SYNDIG1: variants seen among roughly 807,000 people sequenced by gnomAD.
SYNDIG1 encodes synapse differentiation-inducing gene protein 1.
SYNDIG1 carries 9 observed loss-of-function variants against 19.4 expected under a neutral mutation model. The observed-to-expected ratio is 0.46, with a 90% CI of 0.28 to 0.81. The LOEUF is 0.81. SYNDIG1 is among the 30% of genes least tolerant of loss of function. SYNDIG1 has a pLI of 0.12. For synonymous variants in SYNDIG1, 141 were observed against 145.9 expected (o/e 0.97, Z 0.24); for missense variants, 311 against 343.3 (o/e 0.91, Z 0.74).
chr20:24,654,508 G>A (rs62215325), intron 3 of SYNDIG1, among the ~76,000 whole-genome samples: 5 of 151,954 alleles, frequency 3.3e-5, no homozygotes, highest in African/African-American at 4.8e-5. Context: ...AGAAGGCTTG[G>A]AGAACGATTG....
chr20:24,508,667 A>G (rs1200933936), intron 1 of SYNDIG1, among the ~76,000 whole-genome samples: 1 of 152,258 alleles, frequency 6.6e-6, no homozygotes, highest in Non-Finnish European at 1.5e-5. Flanking sequence ...GAAGTTGAAG[A>G]TCAAATTTTA....
chr20:24,567,092 G>C (rs1568647519), intron 2 of SYNDIG1, among the ~76,000 whole-genome samples: 1 of 152,106 alleles, frequency 6.6e-6, no homozygotes, highest in Non-Finnish European at 1.5e-5. Context: ...CTAAAGACAG[G>C]GTCCTTGTCT....
rs554371498 is a variant in SYNDIG1, at chr20:24,643,139, C to G, written c.619-22207C>G. Among the ~76,000 whole-genome samples the G allele has an allele frequency of 2.0e-5, 3 of 152,260 alleles. No individual in the cohort carries two copies. In the South Asian group the frequency reaches 6.2e-4, roughly 32 times the overall value. ...TAAATGTGAGTTCATACTGGTGCCT[C>G]CAACTCTAACTCATTGTCACACATC... On this transcript the variant is annotated intron_variant, in intron 3 of 3. Coordinates refer to ENST00000376862, the MANE Select transcript of SYNDIG1 (RefSeq NM_024893.3).
chr20:24,552,061 T>A (rs1337535100), intron 2 of SYNDIG1, among the ~76,000 whole-genome samples: 1 of 152,334 alleles, frequency 6.6e-6, no homozygotes, highest in Non-Finnish European at 1.5e-5. Flanking sequence ...GAGTGGAGTA[T>A]CAGAAATATT....
intron 3 of SYNDIG1, among the ~76,000 whole-genome samples, chr20:24,609,874 C>T (rs989819585): frequency 1.3e-5 from 2 of 152,120 alleles, no homozygotes; most frequent in African/African-American, 4.8e-5. Context: ...GTTTTCCAGA[C>T]ATGCCTGCAC....
chr20:24,614,130 G>T (rs933593107), intron 3 of SYNDIG1, among the ~76,000 whole-genome samples: 3 of 152,142 alleles, frequency 2.0e-5, no homozygotes, highest in Admixed American at 6.5e-5. Context: ...AAGTAGCTGG[G>T]ACTATAGGCA....
intron 1 of SYNDIG1, among the ~76,000 whole-genome samples, chr20:24,503,063 A>T (rs2056494557): frequency 6.6e-6 from 1 of 152,224 alleles, no homozygotes; most frequent in South Asian, 2.1e-4. Context: ...GTGAATGGAC[A>T]GATTCATGGT....
chr20:24,572,517 G>A (rs141719145), intron 2 of SYNDIG1, among the ~76,000 whole-genome samples: 7 of 152,344 alleles, frequency 4.6e-5, no homozygotes, highest in South Asian at 2.1e-4. Context: ...TCTTGAGAGC[G>A]TGGAGCGACT....
At chr20:24,662,928 A>G (rs1209497870) in intron 3 of SYNDIG1, among the ~76,000 whole-genome samples, 2 of 152,200 alleles carry the variant, frequency 1.3e-5, no homozygotes, top group African/African-American at 4.8e-5. Flanking sequence ...CACACCAAAA[A>G]TCTTGTCAAA....
chr20:24,578,530 A>G (rs573359104), intron 2 of SYNDIG1, among the ~76,000 whole-genome samples: 2 of 152,190 alleles, frequency 1.3e-5, no homozygotes, highest in South Asian at 4.1e-4. Context: ...GTGAATGCAG[A>G]GAAGCCCCTA....
intron 1 of SYNDIG1, among the ~76,000 whole-genome samples, chr20:24,510,446 G>C (rs999187227): frequency 2.0e-5 from 3 of 151,136 alleles, no homozygotes; most frequent in African/African-American, 7.3e-5. Context: ...GTGGGCGCCT[G>C]TAATCCCAAC....
intron 3 of SYNDIG1, among the ~76,000 whole-genome samples, chr20:24,592,864 C>T (rs982403355): frequency 2.0e-5 from 3 of 152,206 alleles, no homozygotes; most frequent in African/African-American, 7.2e-5. Context: ...TCTCCTGCTT[C>T]AGCCTTCCAA....
chr20:24,490,513 G>T (rs2056115194), intron 1 of SYNDIG1, among the ~76,000 whole-genome samples: 1 of 152,172 alleles, frequency 6.6e-6, no homozygotes, highest in Non-Finnish European at 1.5e-5. Context: ...ATGTGCCCGG[G>T]CTTGGACCCT....
intron 3 of SYNDIG1, among the ~76,000 whole-genome samples, chr20:24,624,202 G>A (rs1301796060): frequency 1.4e-5 from 2 of 145,426 alleles, no homozygotes; most frequent in East Asian, 4.0e-4. Flanking sequence ...CTTGCAATGA[G>A]CCGAGATCCT....
At chr20:24,487,276 C>T (rs2055994580) in intron 1 of SYNDIG1, among the ~76,000 whole-genome samples, 1 of 152,128 alleles carries the variant, frequency 6.6e-6, no homozygotes, top group African/African-American at 2.4e-5. Context: ...TAATAAAAAA[C>T]AAATTTTTAC....
At chr20:24,597,348 G>A (rs1266370151) in intron 3 of SYNDIG1, among the ~76,000 whole-genome samples, 2 of 152,154 alleles carry the variant, frequency 1.3e-5, no homozygotes, top group African/African-American at 4.8e-5. Flanking sequence ...GACACAGTTT[G>A]TTTCCCCCTT....
chr20:24,661,531 AAGG>A (rs1262690480), intron 3 of SYNDIG1, among the ~76,000 whole-genome samples: 17 of 23,990 alleles, frequency 7.1e-4, no homozygotes, highest in African/African-American at 2.8e-3. Context: ...GGGAGGAAAA[AAGG>A]AGGAAGGAGG....
In SYNDIG1 at chr20:24,626,170, T is replaced by TG. The variant is rs1341877753; in HGVS notation, c.619-39175dup. Among the ~76,000 whole-genome samples, 10 of 144,360 alleles carry TG rather than the reference T, an allele frequency of 6.9e-5. No homozygotes were observed. The East Asian group carries it at 2.1e-3, about 30-fold the overall frequency. 94.7% of individuals were successfully genotyped at this position (144,360 alleles called of 152,430 possible). A position where few individuals can be genotyped will look rare whatever the true frequency, so the allele number is the denominator to read the frequency against. The stretch of plus-strand genomic sequence containing the variant: ...CGGGGCGGCTGGCCGGGCAGGGGGC[T>TG]GACCCCCCACCTCCCTCCCGGACGG... On this transcript the variant is annotated intron_variant, in intron 3 of 3. Coordinates refer to ENST00000376862, the MANE Select transcript of SYNDIG1 (RefSeq NM_024893.3).
At chr20:24,563,509 T>G (rs1158218624) in intron 2 of SYNDIG1, among the ~76,000 whole-genome samples, 2 of 152,224 alleles carry the variant, frequency 1.3e-5, no homozygotes, top group African/African-American at 4.8e-5. Flanking sequence ...AATGACCACA[T>G]GCTGCGTGTT....
Sources: allele counts gnomAD v4.1 joint callset (sites outside exome capture counted in the v4.1 genomes callset), GRCh38; gene constraint gnomAD v4.1.1; transcripts MANE v1.5; gene names NCBI Gene and HGNC (gene_info 2026-07-23, HGNC 2026-07-21).